The following GPC5 variants were observed in gnomAD, a reference collection of about 807,000 sequenced individuals.
The protein encoded by GPC5 is glypican 5.
GPC5 carries 47 observed loss-of-function variants against 53.9 expected under a neutral mutation model. That is an observed-to-expected ratio of 0.87 (90% CI 0.69 to 1.11). The LOEUF (loss-of-function observed/expected upper bound fraction) is 1.11, where lower values mean the gene tolerates loss of function less well. Ranked by LOEUF, GPC5 falls within the 50% of genes most tolerant of loss-of-function variation. The probability of loss-of-function intolerance (pLI) is 0.00; values close to 1 mark genes in which losing one functional copy is unlikely to be tolerated. For missense variants in GPC5, 748 were observed against 713.1 expected (o/e 1.05, Z -0.56); for synonymous variants, 286 against 263.3 (o/e 1.09, Z -0.84).
intron 5 of GPC5, among the ~76,000 whole-genome samples, chr13:91,781,743 A>AG: frequency 6.6e-6 from 1 of 152,336 alleles, no homozygotes; most frequent in Non-Finnish European, 1.5e-5. Flanking sequence ...TTAAGTTTAA[A>AG]GCATGTAGGT....
At chr13:91,976,293 A>C (rs1413548187) in intron 6 of GPC5, among the ~76,000 whole-genome samples, 2 of 152,236 alleles carry the variant, frequency 1.3e-5, no homozygotes, top group Non-Finnish European at 2.9e-5. Context: ...AAAATTTAAA[A>C]AAATAGTGAA....
intron 6 of GPC5, among the ~76,000 whole-genome samples, chr13:92,084,898 C>A (rs1450707069): frequency 2.0e-5 from 3 of 152,102 alleles, no homozygotes; most frequent in Admixed American, 2.0e-4. Flanking sequence ...AATTATAAAA[C>A]AGAAATATAT....
At chr13:91,895,684 A>G (rs1437136728) in intron 5 of GPC5, among the ~76,000 whole-genome samples, 1 of 149,584 alleles carries the variant, frequency 6.7e-6, no homozygotes, top group Admixed American at 6.7e-5. Context: ...CTCCATTTCA[A>G]TTCTGACAAA....
intron 7 of GPC5, among the ~76,000 whole-genome samples, chr13:92,689,502 G>T (rs1374165020): frequency 1.8e-4 from 18 of 97,880 alleles, no homozygotes; most frequent in African/African-American, 5.5e-4. Flanking sequence ...CACACTGATG[G>T]GTCTTGGCTC....
At chr13:92,771,526 G>A (rs1185106385) in intron 7 of GPC5, among the ~76,000 whole-genome samples, 3 of 152,062 alleles carry the variant, frequency 2.0e-5, no homozygotes, top group Middle Eastern at 3.4e-3. Flanking sequence ...TGCATTTTTA[G>A]TAGAGATGGG....
Position 91,432,205 on chromosome 13 carries a change from GT to G in GPC5, c.164-16555del, listed in dbSNP as rs1170569181. ...TTCCACTGCTGCTGCTGCTGCTGCT[GT>G]GTGTGTGTGTGTGTGTGTGTGTGTG... is the stretch of plus-strand genomic sequence containing the variant. On this transcript the variant is annotated intron_variant, in intron 1 of 7. Transcript: ENST00000377067. 5.2e-3 allele frequency among the ~76,000 whole-genome samples: 621 copies of G among 119,580 alleles called. 15 individuals are homozygous for G. In the South Asian group the frequency reaches 0.091, roughly 18 times the overall value. 78.4% of individuals were successfully genotyped at this position (119,580 alleles called of 152,430 possible). A position where few individuals can be genotyped will look rare whatever the true frequency, so the allele number is the denominator to read the frequency against.
chr13:92,826,922 T>C (rs936484317), intron 7 of GPC5, among the ~76,000 whole-genome samples: 3 of 152,150 alleles, frequency 2.0e-5, no homozygotes, highest in Non-Finnish European at 4.4e-5. Context: ...TTTTGGGGGA[T>C]ATTCTAATCC....
intron 5 of GPC5, among the ~76,000 whole-genome samples, chr13:91,831,997 C>T (rs2038665713): frequency 2.0e-5 from 3 of 151,568 alleles, no homozygotes; most frequent in Middle Eastern, 6.8e-3. Context: ...GAGCTGGGTT[C>T]AAGTCCTGAA....
intron 7 of GPC5, among the ~76,000 whole-genome samples, chr13:92,650,882 G>C (rs1478736993): frequency 6.6e-6 from 1 of 152,060 alleles, no homozygotes; most frequent in Non-Finnish European, 1.5e-5. Flanking sequence ...ACGGTGGTTT[G>C]CTGCATCTAT....
intron 6 of GPC5, among the ~76,000 whole-genome samples, chr13:92,085,525 T>A (rs533349807): frequency 6.6e-6 from 1 of 152,238 alleles, no homozygotes. Flanking sequence ...GGTAGACAAT[T>A]TTTTTCACAG....
chr13:91,616,834 G>T (rs1380653163), intron 2 of GPC5, among the ~76,000 whole-genome samples: 3 of 152,082 alleles, frequency 2.0e-5, no homozygotes, highest in African/African-American at 7.2e-5. Context: ...TGTATATTAT[G>T]TTGGGTATTT....
intron 7 of GPC5, among the ~76,000 whole-genome samples, chr13:92,538,695 G>A (rs147811628): frequency 3.6e-5 from 5 of 138,676 alleles, no homozygotes; most frequent in African/African-American, 8.2e-5. Flanking sequence ...TCCCACTTAT[G>A]AGTGAGAACA....
chr13:91,561,144 G>A (rs1000038104), intron 2 of GPC5, among the ~76,000 whole-genome samples: 3 of 152,112 alleles, frequency 2.0e-5, no homozygotes, highest in Admixed American at 6.6e-5. Flanking sequence ...AAGATAGATG[G>A]AATCTTACTT....
chr13:91,942,946 A>G (rs1054653926), intron 6 of GPC5, among the ~76,000 whole-genome samples: 1 of 152,124 alleles, frequency 6.6e-6, no homozygotes, highest in Non-Finnish European at 1.5e-5. Flanking sequence ...TAAAAACACC[A>G]TGCTGCATAA....
chr13:91,677,541 G>A (rs534411429), intron 2 of GPC5, among the ~76,000 whole-genome samples: 1 of 152,136 alleles, frequency 6.6e-6, no homozygotes, highest in South Asian at 2.1e-4. Context: ...TGGTTATGGG[G>A]GCATTTGGCA....
chr13:92,021,475 G>C (rs892772808), intron 6 of GPC5, among the ~76,000 whole-genome samples: 9 of 152,086 alleles, frequency 5.9e-5, no homozygotes, highest in Non-Finnish European at 1.3e-4. Context: ...CCAGGTGCAG[G>C]GAACTGGGAA....
At chr13:92,152,203 A>G (rs912164623) in intron 7 of GPC5, among the ~76,000 whole-genome samples, 2 of 152,212 alleles carry the variant, frequency 1.3e-5, no homozygotes, top group African/African-American at 2.4e-5. Context: ...AAGCTCTTCT[A>G]TGTGGTCATT....
intron 2 of GPC5, among the ~76,000 whole-genome samples, chr13:91,606,767 T>C (rs2033381997): frequency 6.6e-6 from 1 of 152,176 alleles, no homozygotes; most frequent in African/African-American, 2.4e-5. Context: ...TATTCCCTGA[T>C]GGCAGTTTGT....
At chr13:92,018,893 G>A (rs1292276167) in intron 6 of GPC5, among the ~76,000 whole-genome samples, 1 of 151,996 alleles carries the variant, frequency 6.6e-6, no homozygotes, top group African/African-American at 2.4e-5. Flanking sequence ...AAAGGATGCA[G>A]AGCAAACTTT....
Sources: gnomAD v4.1 joint callset for allele counts (sites outside exome capture counted in the v4.1 genomes callset) on GRCh38, gnomAD v4.1.1 for gene constraint, MANE v1.5 for transcripts, NCBI Gene and HGNC (gene_info 2026-07-23, HGNC 2026-07-21) for gene names.